The following H6PD variants were observed in gnomAD, a reference collection of about 807,000 sequenced individuals.
The protein encoded by H6PD is GDH/6PGL endoplasmic bifunctional protein.
In H6PD, 48 loss-of-function variants were observed where a neutral mutation model predicts 61.2. That is an observed-to-expected ratio of 0.78 (90% CI 0.62 to 1.00). H6PD has a LOEUF of 1.00. H6PD is among the 50% of genes least tolerant of loss of function. The pLI is 0.00. For synonymous variants in H6PD, 480 were observed against 457.9 expected, an observed-to-expected ratio of 1.05 and a Z score of -0.62; for missense variants, 1,093 against 1,065.0, an observed-to-expected ratio of 1.03 and a Z score of -0.37.
rs1246817944 is a variant in H6PD at position 9,254,815 on chromosome 1, T to C, written c.746-7244T>C. Among the ~76,000 whole-genome samples the C allele has an allele frequency of 6.6e-6, 1 of 152,226 alleles. No homozygotes were observed. The highest frequency in any genetic ancestry group is 1.5e-5 in the Non-Finnish European group (1 of 68,038). The stretch of plus-strand genomic sequence containing the variant: ...CAGTACCACAATCAATTTTAGGACA[T>C]GTTCATCACGGCAAAGGAAGCCCTG... On this transcript the variant is annotated intron_variant, in intron 3 of 4. Transcript: ENST00000377403. The surrounding 1 kb of genome is among the most constrained non-coding windows in gnomAD (Gnocchi z 4.6).
rs141948836 is a variant in H6PD at position 9,247,002 on chromosome 1, C to A, written c.664C>A (p.Arg222Ser). ...AQILPFRDQN[R>S]KALDGLWNRH... ...GATCCTGCCTTTCCGAGACCAGAAC[C>A]GCAAGGCTTTGGACGGCCTCTGGAA... Residue 222 changes from arginine to serine, a missense_variant, in exon 3 of 5, where the codon CGC becomes AGC. Arg to Ser is a moderately radical substitution (Grantham distance 110). Transcript: ENST00000377403. 3.1e-6 allele frequency: 5 copies of A among 1,613,944 alleles called. No homozygotes were observed. The highest frequency in any genetic ancestry group is 4.2e-6 in the Non-Finnish European group (5 of 1,179,932).
At chr1:9,247,198 G>T in intron 3 of H6PD, 115 bp downstream of exon 3, 2 of 786,720 alleles carry the variant, frequency 2.5e-6, no homozygotes, top group South Asian at 2.8e-5. Flanking sequence ...GTCTCCCTTC[G>T]AGCCTGCCGT....
chr1:9,249,307 G>A (rs1272087648), intron 3 of H6PD, among the ~76,000 whole-genome samples: 1 of 152,182 alleles, frequency 6.6e-6, no homozygotes, highest in African/African-American at 2.4e-5. Flanking sequence ...TTGCAGGCCC[G>A]ATTATCCTAG....
At chr1:9,243,904 A>G (rs777055346) in intron 1 of H6PD, among the ~76,000 whole-genome samples, 1 of 152,082 alleles carries the variant, frequency 6.6e-6, no homozygotes, top group Non-Finnish European at 1.5e-5. Flanking sequence ...GTCAGGGTCA[A>G]GAGGCAGATT....
chr1:9,250,309 C>T (rs1383906196), intron 3 of H6PD, among the ~76,000 whole-genome samples: 1 of 152,002 alleles, frequency 6.6e-6, no homozygotes, highest in African/African-American at 2.4e-5. Flanking sequence ...AGGCAGGATT[C>T]GGAGCCCGCG....
chr1:9,235,096 C>T (rs184437520), intron 1 of H6PD, 30 bp downstream of exon 1: 17,858 of 148,686 alleles, frequency 0.12, 1,437 homozygotes, highest in Admixed American at 0.21. Context: ...CCCGCCGCCG[C>T]CCCGGCCCCG....
At chr1:9,252,014 C>G (rs937079599) in intron 3 of H6PD, among the ~76,000 whole-genome samples, 1 of 151,906 alleles carries the variant, frequency 6.6e-6, no homozygotes, top group South Asian at 2.1e-4. Flanking sequence ...CTGATAGCCC[C>G]GGCACCTCTC....
Position 9,264,848 on chromosome 1 carries a change from C to G in H6PD, c.2355C>G (p.Asp785Glu), listed in dbSNP as rs1055083445. 6.2e-7 allele frequency: 1 copy of G among 1,612,040 alleles called. No individual in the cohort carries two copies. Among genetic ancestry groups the G allele is most frequent in the African/African-American group, 1.3e-5 (1 of 74,906 alleles). The change falls in exon 5 of 5, where the codon GAC (aspartate) becomes GAG (glutamate). Residue 785 changes from aspartate (D) to glutamate (E), a missense_variant. Transcript: ENST00000377403. The part of the protein sequence containing the change: ...PHSGQLVWYM[D>E]YDAFLG ...CCGGCCAGCTGGTGTGGTACATGGA[C>G]TACGACGCCTTCCTGGGATGAGGGC...
chr1:9,251,876 CTTT>C (rs59997183), intron 3 of H6PD, among the ~76,000 whole-genome samples: 10 of 139,302 alleles, frequency 7.2e-5, no homozygotes, highest in African/African-American at 1.1e-4. Context: ...TCTTAGTTGT[CTTT>C]TTTTTTTTTT....
At chr1:9,256,570 G>A (rs1435381832) in intron 3 of H6PD, among the ~76,000 whole-genome samples, 1 of 152,188 alleles carries the variant, frequency 6.6e-6, no homozygotes, top group East Asian at 1.9e-4. Context: ...CAGGGCAGGT[G>A]CCCAGGACTG....
chr1:9,263,883 C>T lies in H6PD; in HGVS notation c.1390C>T (p.His464Tyr). 1 of 1,614,174 alleles carries T rather than the reference C, an allele frequency of 6.2e-7. No homozygotes were observed. The highest frequency in any genetic ancestry group is 1.1e-5 in the South Asian group (1 of 91,092). Residue 464 changes from histidine to tyrosine, a missense_variant, in exon 5 of 5, where the codon CAT becomes TAT. By Grantham distance (83) the His-to-Tyr change is moderately conservative. Coordinates refer to ENST00000377403, the MANE Select transcript of H6PD (RefSeq NM_004285.4). Reference sequence around the variant, plus strand: ...GGACGCCCACTCCGTCCTCTTATCCCATATCTTCCATGGCCGGAAGAATTT... The same window carrying T: ...GGACGCCCACTCCGTCCTCTTATCCTATATCTTCCATGGCCGGAAGAATTT... ...ERDAHSVLLS[H>Y]IFHGRKNFFI... is the part of the protein sequence containing the mutation.
chr1:9,240,655 A>C (rs1375056742), intron 1 of H6PD, among the ~76,000 whole-genome samples: 3 of 152,126 alleles, frequency 2.0e-5, no homozygotes, highest in Admixed American at 6.5e-5. Flanking sequence ...CTTTTCACTA[A>C]AGATTTTCTC....
intron 3 of H6PD, among the ~76,000 whole-genome samples, chr1:9,248,085 G>A (rs1405837434): frequency 6.6e-6 from 1 of 152,190 alleles, no homozygotes; most frequent in Non-Finnish European, 1.5e-5. Context: ...CAGGCCTGGC[G>A]CCGCTGCGCT....
At position 9,234,978 on chromosome 1, in the gene H6PD, C is replaced by T. The variant is rs1640808682; in HGVS notation, c.-99C>T. ...GCGGAAGAGGAGGTGCGGCCCAGGG[C>T]GCAGGGGAGCCCTCGGGAGCGGGCC... On this transcript the variant is annotated 5_prime_UTR_variant, in exon 1 of 5. Transcript: ENST00000377403. 6.8e-6 allele frequency: 1 copy of T among 148,078 alleles called. No individual in the cohort carries two copies. The allele number at this position is 148,078 out of a possible 1,614,324, so 9.2% of individuals were successfully genotyped here. A position where few individuals can be genotyped will look rare whatever the true frequency, so the allele number is the denominator to read the frequency against.
Position 9,263,847 on chromosome 1 carries a change from G to A in H6PD, c.1354G>A (p.Val452Met). ...PLSDYYAYSP[V>M]RERDAHSVLL... Reference sequence around the variant, plus strand: ...GTCCGATTACTACGCCTACAGCCCTGTGCGGGAGCGGGACGCCCACTCCGT... The same window carrying A: ...GTCCGATTACTACGCCTACAGCCCTATGCGGGAGCGGGACGCCCACTCCGT... The change falls in exon 5 of 5, where the codon GTG (valine) becomes ATG (methionine). Residue 452 changes from valine (V) to methionine (M), a missense_variant. Transcript: ENST00000377403. The A allele has an allele frequency of 6.2e-7, 1 of 1,613,992 alleles. No homozygotes were observed. The highest frequency in any genetic ancestry group is 2.2e-5 in the East Asian group (1 of 44,856).
chr1:9,238,084 A>G lies in H6PD; in HGVS notation c.-11+3018A>G, dbSNP rs181041995. On this transcript the variant is annotated intron_variant, in intron 1 of 4. Transcript: ENST00000377403. ...GGAGGATGGGGGTGGGCGGTTTACAATTTTAGAGTGGTCTGAGTAAGCCTC... is the reference window on the plus strand; with the variant it reads ...GGAGGATGGGGGTGGGCGGTTTACAGTTTTAGAGTGGTCTGAGTAAGCCTC... Among the ~76,000 whole-genome samples, 117 of 152,200 alleles carry G rather than the reference A, an allele frequency of 7.7e-4. 1 individual carries two copies. The highest frequency in any genetic ancestry group is 1.0e-3 in the Non-Finnish European group (68 of 67,990).
chr1:9,236,976 C>CTTT (rs1640865584), intron 1 of H6PD, among the ~76,000 whole-genome samples: 3 of 152,142 alleles, frequency 2.0e-5, no homozygotes, highest in African/African-American at 7.2e-5. Flanking sequence ...AAAGGCAAAG[C>CTTT]GGACCCGGGA....
intron 3 of H6PD, among the ~76,000 whole-genome samples, chr1:9,255,131 T>C (rs1486454010): frequency 2.6e-5 from 4 of 152,226 alleles, no homozygotes; most frequent in South Asian, 2.1e-4. Flanking sequence ...TTGGCTGTTA[T>C]ATATAATGCT....
At chr1:9,238,068 G>A (rs1216487558) in intron 1 of H6PD, among the ~76,000 whole-genome samples, 1 of 152,106 alleles carries the variant, frequency 6.6e-6, no homozygotes, top group East Asian at 1.9e-4. Flanking sequence ...AGGAGGATGG[G>A]GGTGGGCGGT....
Sources: gnomAD v4.1 joint callset for allele counts (sites outside exome capture counted in the v4.1 genomes callset) on GRCh38, gnomAD v4.1.1 for gene constraint, Gnocchi (gnomAD v3.1) non-coding constraint, MANE v1.5 for transcripts, NCBI Gene and HGNC (gene_info 2026-07-23, HGNC 2026-07-21) for gene names.